CNOT2: variants seen among roughly 807,000 people sequenced by gnomAD.
CNOT2 encodes the protein CC chemokine receptor 4-negative regulator of transcription 2.
Under a neutral mutation model 72.1 loss-of-function variants are expected in CNOT2, and 7 were observed. The ratio of observed to expected loss-of-function variants is 0.10; its 90% CI spans 0.06 to 0.18. The LOEUF (loss-of-function observed/expected upper bound fraction) is 0.18, where lower values mean the gene tolerates loss of function less well. Ranked by LOEUF, CNOT2 falls within the 10% of genes least tolerant of loss-of-function variation. The pLI is 1.00. For synonymous variants in CNOT2, 196 were observed against 225.6 expected, an observed-to-expected ratio of 0.87 and a Z score of 1.17; for missense variants, 345 against 660.3, an observed-to-expected ratio of 0.52 and a Z score of 5.23.
intron 14 of CNOT2, 158 bp downstream of exon 14, chr12:70,344,386 G>A (rs933158119): frequency 5.5e-5 from 31 of 560,364 alleles, no homozygotes; most frequent in Middle Eastern, 4.6e-4. Context: ...GATTAAAACC[G>A]TATCTTAACC....
Position 70,354,230 on chromosome 12 carries a change from C to T in CNOT2, c.*315C>T, listed in dbSNP as rs1883224442. ...AGCAAATACACTGACAGAAGTTTAC[C>T]ATAGTTTCTAAAATGTAAAAAAGAA... On this transcript the variant is annotated 3_prime_UTR_variant, in exon 16 of 16. Coordinates refer to ENST00000229195, the MANE Select transcript of CNOT2 (RefSeq NM_014515.7). 3.3e-6 allele frequency: 1 copy of T among 300,124 alleles called. No homozygotes were observed. The highest frequency in any genetic ancestry group is 2.2e-5 in the African/African-American group (1 of 46,230). 18.6% of individuals were successfully genotyped at this position (300,124 alleles called of 1,614,324 possible).
intron 2 of CNOT2, among the ~76,000 whole-genome samples, chr12:70,296,622 C>T (rs922329105): frequency 3.3e-5 from 5 of 149,954 alleles, no homozygotes; most frequent in South Asian, 4.2e-4. Flanking sequence ...TTCTAGAACT[C>T]GGAGGACTTG....
At chr12:70,276,745 C>T (rs187655396) in intron 1 of CNOT2, among the ~76,000 whole-genome samples, 1 of 151,956 alleles carries the variant, frequency 6.6e-6, no homozygotes, top group East Asian at 1.9e-4. Context: ...ATATTTAATT[C>T]CAAAGGTATT....
At chr12:70,341,786 A>T (rs187775810) in intron 11 of CNOT2, among the ~76,000 whole-genome samples, 1 of 152,308 alleles carries the variant, frequency 6.6e-6, no homozygotes, top group East Asian at 1.9e-4. Flanking sequence ...TATTGGGAGC[A>T]TGGTATTGAA....
intron 2 of CNOT2, among the ~76,000 whole-genome samples, chr12:70,300,591 A>G (rs1483100506): frequency 2.6e-5 from 4 of 152,206 alleles, no homozygotes; most frequent in South Asian, 2.1e-4. Context: ...CTCTGTTTTG[A>G]TACCAGTACC....
At chr12:70,327,689 A>C (rs1879300841) in intron 4 of CNOT2, 1 of 151,900 alleles carries the variant, frequency 6.6e-6, no homozygotes, top group Admixed American at 6.6e-5. Context: ...CAGCATGTTT[A>C]GGGAGTAGAA....
At chr12:70,267,347 A>C (rs188594504) in intron 1 of CNOT2, among the ~76,000 whole-genome samples, 48 of 152,322 alleles carry the variant, frequency 3.2e-4, no homozygotes, top group Middle Eastern at 3.4e-3. Flanking sequence ...TTATCCCTGC[A>C]TCACTCCAGT....
chr12:70,326,007 C>T (rs1471937744), intron 4 of CNOT2, among the ~76,000 whole-genome samples: 1 of 151,584 alleles, frequency 6.6e-6, no homozygotes, highest in Non-Finnish European at 1.5e-5. Flanking sequence ...TCAGTTTGTG[C>T]AGTGGAAATA....
chr12:70,332,970 A>G, intron 7 of CNOT2, 124 bp downstream of exon 7: 1 of 1,320,018 alleles, frequency 7.6e-7, no homozygotes, highest in Non-Finnish European at 9.7e-7. Context: ...GTAGATTTTA[A>G]TTCAGTGAAA....
intron 2 of CNOT2, among the ~76,000 whole-genome samples, chr12:70,294,645 G>A (rs1190406127): frequency 6.6e-6 from 1 of 152,106 alleles, no homozygotes; most frequent in African/African-American, 2.4e-5. Flanking sequence ...GAAGGCCTAA[G>A]TCCATAGACT....
At chr12:70,255,669 G>C (rs781073783) in intron 1 of CNOT2, among the ~76,000 whole-genome samples, 1 of 152,012 alleles carries the variant, frequency 6.6e-6, no homozygotes, top group Non-Finnish European at 1.5e-5. Context: ...TTATTTAATC[G>C]TGTACTGTAA....
chr12:70,271,751 G>C (rs928312850), intron 1 of CNOT2, among the ~76,000 whole-genome samples: 1 of 152,130 alleles, frequency 6.6e-6, no homozygotes, highest in African/African-American at 2.4e-5. Context: ...GGCTTTTAGA[G>C]TGTCAACCAG....
At chr12:70,327,705 G>A (rs1018360746) in intron 4 of CNOT2, 3 of 151,858 alleles carry the variant, frequency 2.0e-5, no homozygotes, top group Non-Finnish European at 4.4e-5. Context: ...TAGAATGTAA[G>A]CTCCCTGAGG....
chr12:70,339,974 CAT>C (rs1204005856), intron 11 of CNOT2, among the ~76,000 whole-genome samples: 5 of 152,198 alleles, frequency 3.3e-5, no homozygotes, highest in Non-Finnish European at 7.3e-5. Context: ...TTTTCATCAA[CAT>C]AGAAATACAT....
chr12:70,335,716 T>C (rs1880590335), intron 8 of CNOT2, 153 bp downstream of exon 8: 3 of 495,562 alleles, frequency 6.1e-6, no homozygotes, highest in Non-Finnish European at 1.0e-5. Context: ...AGAATTGATA[T>C]ATTAGAAGTG....
At chr12:70,276,771 C>A (rs1356403744) in intron 1 of CNOT2, among the ~76,000 whole-genome samples, 1 of 151,694 alleles carries the variant, frequency 6.6e-6, no homozygotes, top group Non-Finnish European at 1.5e-5. Flanking sequence ...ATTTGGTAAT[C>A]AATAATTACA....
chr12:70,331,055 A>C (rs1459155107), intron 6 of CNOT2: 2 of 151,956 alleles, frequency 1.3e-5, no homozygotes, highest in Non-Finnish European at 2.9e-5. Context: ...TTTTGTTAGG[A>C]TTTTCAAGCT....
At position 70,295,521 on chromosome 12, in the gene CNOT2, CATT is replaced by C. The variant is rs1872671677; in HGVS notation, c.49-15372_49-15370del. Reference sequence around the variant, plus strand: ...GTCTTTTAAGGATTTAAAATATTCTCATTAGAAGATTTTCCTTCTGTATGCATA... The same window carrying C: ...GTCTTTTAAGGATTTAAAATATTCTCAGAAGATTTTCCTTCTGTATGCATA... On this transcript the variant is annotated intron_variant, in intron 2 of 15. Coordinates refer to ENST00000229195, the MANE Select transcript of CNOT2 (RefSeq NM_014515.7). Among the ~76,000 whole-genome samples the C allele has an allele frequency of 2.6e-5, 4 of 152,188 alleles. No individual in the cohort carries two copies. In the South Asian group the frequency reaches 8.3e-4, roughly 32 times the overall value.
intron 2 of CNOT2, among the ~76,000 whole-genome samples, chr12:70,308,562 TC>T (rs1751608968): frequency 7.3e-6 from 1 of 137,570 alleles, no homozygotes; most frequent in African/African-American, 2.9e-5. Context: ...ATTTTCTCTC[TC>T]TCTCTCTCTC....
Sources: allele counts gnomAD v4.1 joint callset (sites outside exome capture counted in the v4.1 genomes callset), GRCh38; gene constraint gnomAD v4.1.1; transcripts MANE v1.5; gene names NCBI Gene and HGNC (gene_info 2026-07-23, HGNC 2026-07-21).